The following SLC24A2 variants were observed in gnomAD, a reference collection of about 807,000 sequenced individuals.
The protein encoded by SLC24A2 is sodium/potassium/calcium exchanger 2.
Under a neutral mutation model 62.0 loss-of-function variants are expected in SLC24A2, and 36 were observed. That is an observed-to-expected ratio of 0.58 (90% CI 0.44 to 0.77). The LOEUF (loss-of-function observed/expected upper bound fraction) is 0.77, where lower values mean the gene tolerates loss of function less well. SLC24A2 is among the 30% of genes least tolerant of loss of function. The pLI is 0.00. For missense variants in SLC24A2, 846 were observed against 817.9 expected, an observed-to-expected ratio of 1.03 and a Z score of -0.42; for synonymous variants, 358 against 294.0, an observed-to-expected ratio of 1.22 and a Z score of -2.23.
chr9:20,291,788 G>A, the SLC24A2 span, among the ~76,000 whole-genome samples: 1 of 152,138 alleles, frequency 6.6e-6, no homozygotes, highest in Non-Finnish European at 1.5e-5. Flanking sequence ...CAGATCTAGG[G>A]ATCAAGAAGA....
intron 2 of SLC24A2, among the ~76,000 whole-genome samples, chr9:19,655,643 T>C (rs12686530): frequency 0.014 from 2,070 of 152,290 alleles, 66 homozygotes; most frequent in East Asian, 0.13. Flanking sequence ...AGTGCACTAA[T>C]TGGTGAAAAA....
At chr9:19,842,393 T>A in the SLC24A2 span, among the ~76,000 whole-genome samples, 2 of 152,212 alleles carry the variant, frequency 1.3e-5, no homozygotes, top group Non-Finnish European at 2.9e-5. Context: ...TCAGTTATGA[T>A]GTAGTTAGGA....
chr9:20,262,382 G>C, the SLC24A2 span, among the ~76,000 whole-genome samples: 15 of 152,318 alleles, frequency 9.8e-5, no homozygotes, highest in East Asian at 2.9e-3. Context: ...GGCTATACAT[G>C]AGGACTGAAG....
chr9:20,094,246 T>C, the SLC24A2 span, among the ~76,000 whole-genome samples: 1 of 152,194 alleles, frequency 6.6e-6, no homozygotes, highest in Non-Finnish European at 1.5e-5. Context: ...GAAAATCACA[T>C]GGGCAATTGT....
At chr9:19,744,714 C>T (rs1587257426) in intron 2 of SLC24A2, among the ~76,000 whole-genome samples, 1 of 152,156 alleles carries the variant, frequency 6.6e-6, no homozygotes, top group African/African-American at 2.4e-5. Context: ...TGGCTTGTTT[C>T]ACTGTGGATG....
chr9:20,251,580 G>A, the SLC24A2 span, among the ~76,000 whole-genome samples: 9 of 152,254 alleles, frequency 5.9e-5, no homozygotes, highest in South Asian at 2.1e-4. Context: ...AAGAGAAAGC[G>A]TTAATAAGAT....
At chr9:19,995,020 C>T in the SLC24A2 span, among the ~76,000 whole-genome samples, 5 of 150,868 alleles carry the variant, frequency 3.3e-5, no homozygotes, top group Admixed American at 6.6e-5. Context: ...AATGCCATGG[C>T]GATTTAATTT....
intron 5 of SLC24A2, among the ~76,000 whole-genome samples, chr9:19,594,098 C>T (rs1232220352): frequency 6.6e-6 from 1 of 152,000 alleles, no homozygotes; most frequent in Admixed American, 6.6e-5. Flanking sequence ...GTTTAAAGAT[C>T]ACCTTCTCCA....
chr9:19,645,607 G>A (rs1295930580), intron 2 of SLC24A2, among the ~76,000 whole-genome samples: 2 of 152,124 alleles, frequency 1.3e-5, no homozygotes, highest in African/African-American at 4.8e-5. Flanking sequence ...CACTTTCCAG[G>A]TGAGTTCCGG....
the SLC24A2 span, among the ~76,000 whole-genome samples, chr9:20,031,452 T>C: frequency 2.0e-5 from 3 of 149,942 alleles, no homozygotes; most frequent in African/African-American, 7.3e-5. Context: ...AAAAATCTCA[T>C]GGTGCATTGA....
At chr9:19,516,723 T>A (rs1007353170) in intron 10 of SLC24A2, among the ~76,000 whole-genome samples, 2 of 152,156 alleles carry the variant, frequency 1.3e-5, no homozygotes, top group African/African-American at 4.8e-5. Context: ...CTAGTTGAGA[T>A]TAAAATGTTG....
At chr9:20,053,758 G>A in the SLC24A2 span, among the ~76,000 whole-genome samples, 1 of 152,070 alleles carries the variant, frequency 6.6e-6, no homozygotes, top group Admixed American at 6.5e-5. Flanking sequence ...AATCTGCCAG[G>A]GCCTAGATCT....
chr9:20,064,397 T>C, the SLC24A2 span, among the ~76,000 whole-genome samples: 4 of 152,184 alleles, frequency 2.6e-5, no homozygotes, highest in Non-Finnish European at 4.4e-5. Context: ...TAAAATCAGA[T>C]TGTGCTTGGG....
chr9:19,983,907 G>A, the SLC24A2 span, among the ~76,000 whole-genome samples: 94 of 152,320 alleles, frequency 6.2e-4, no homozygotes, highest in African/African-American at 2.2e-3. Context: ...TGAATTGGAA[G>A]ATAATACAGA....
intron 2 of SLC24A2, among the ~76,000 whole-genome samples, chr9:19,685,183 C>T (rs117864086): frequency 0.01 from 1,588 of 152,148 alleles, 22 homozygotes; most frequent in South Asian, 0.017. Context: ...GAAGAAAATA[C>T]CTAGGAACAC....
the SLC24A2 span, among the ~76,000 whole-genome samples, chr9:20,099,773 AT>A: frequency 2.6e-5 from 4 of 152,278 alleles, no homozygotes; most frequent in Non-Finnish European, 5.9e-5. Context: ...AACTTGTTCC[AT>A]TTTATTTTGT....
At chr9:20,147,742 T>C in the SLC24A2 span, among the ~76,000 whole-genome samples, 4 of 152,108 alleles carry the variant, frequency 2.6e-5, no homozygotes, top group Admixed American at 6.6e-5. Context: ...GTATCAACTC[T>C]ACCTGTCTTG....
the SLC24A2 span, among the ~76,000 whole-genome samples, chr9:20,118,559 T>C: frequency 3.5e-4 from 54 of 152,228 alleles, 1 homozygote; most frequent in South Asian, 0.011. Context: ...TTATTTTTTA[T>C]TTTACAGCCT....
In SLC24A2 at chr9:19,642,080, A is replaced by C. The variant is rs1317932437; in HGVS notation, c.931-19781T>G. On this transcript the variant is annotated intron_variant, in intron 2 of 10. Transcript: ENST00000341998. ...GGAAGTGTGTGTGAGTAGGAGTGTT[A>C]AATTCCCAGGTCAGGGTATAGGGAG... Among the ~76,000 whole-genome samples the C allele has an allele frequency of 2.0e-5, 3 of 152,066 alleles. No individual in the cohort carries two copies. The East Asian group carries it at 5.8e-4, about 29-fold the overall frequency.
Sources: gnomAD v4.1 joint callset for allele counts (sites outside exome capture counted in the v4.1 genomes callset) on GRCh38, gnomAD v4.1.1 for gene constraint, MANE v1.5 for transcripts, NCBI Gene and HGNC (gene_info 2026-07-23, HGNC 2026-07-21) for gene names.